ARSD: variants seen among roughly 807,000 people sequenced by gnomAD.
ARSD encodes the protein testis tissue sperm-binding protein Li 39a.
In ARSD, 21 loss-of-function variants were observed where a neutral mutation model predicts 32.6. The observed-to-expected ratio is 0.64, with a 90% CI of 0.46 to 0.93. The LOEUF (loss-of-function observed/expected upper bound fraction) is 0.93. Ranked by LOEUF, ARSD falls within the 40% of genes least tolerant of loss-of-function variation. The pLI, the probability that ARSD is intolerant of heterozygous loss-of-function variation, is 0.00. For missense variants in ARSD, 454 were observed against 520.9 expected (o/e 0.87, Z 1.25); for synonymous variants, 224 against 237.4 (o/e 0.94, Z 0.52).
chrX:2,926,603 C>T (rs1477006121), intron 1 of ARSD, among the ~76,000 whole-genome samples: 1 of 111,339 alleles, frequency 9.0e-6, no homozygotes, highest in Admixed American at 9.6e-5. Flanking sequence ...CAGGTCAGAA[C>T]AAACTGGAAT....
Position 2,929,288 on chromosome X carries a change from G to T in ARSD, c.-13C>A, listed in dbSNP as rs1410335118. The T allele has an allele frequency of 9.0e-6, 9 of 999,484 alleles. No individual in the cohort carries two copies. The highest frequency in any genetic ancestry group is 1.1e-5 in the Non-Finnish European group (9 of 795,670). The allele number at this position is 999,484 out of a possible 1,213,427, so 82.4% of individuals were successfully genotyped here. A position where few individuals can be genotyped will look rare whatever the true frequency, so the allele number is the denominator to read the frequency against. On this transcript the variant is annotated 5_prime_UTR_variant, in exon 1 of 10. Coordinates refer to ENST00000381154, the MANE Select transcript of ARSD (RefSeq NM_001669.4). ...CGGCGGATCGCATGGCCGAGCGCTG[G>T]CCCAGAGCGCAGGACCTTGCCCTGC... is the stretch of plus-strand genomic sequence containing the variant.
At chrX:2,918,304 C>T (rs1450599028) in intron 4 of ARSD, 77 bp from the exon 5 acceptor site, 77 of 995,662 alleles carry the variant, frequency 7.7e-5, no homozygotes, top group Non-Finnish European at 9.3e-5. Flanking sequence ...CGGAATCATT[C>T]CGCGTCGGCA....
intron 8 of ARSD, 64 bp downstream of exon 8, chrX:2,909,753 T>TG (rs2088885771): frequency 1.4e-5 from 11 of 806,288 alleles, no homozygotes; most frequent in Non-Finnish European, 1.6e-5. Flanking sequence ...CCTATTGAAA[T>TG]AAAAAAAAAA....
intron 2 of ARSD, among the ~76,000 whole-genome samples, chrX:2,922,731 G>A (rs1412037343): frequency 4.7e-5 from 5 of 106,312 alleles, no homozygotes; most frequent in African/African-American, 1.7e-4. Flanking sequence ...CCAGCTACTC[G>A]GGAGGCTGAG....
chrX:2,913,329 G>A (rs1265637056), intron 6 of ARSD: 4 of 128,535 alleles, frequency 3.1e-5, no homozygotes, highest in African/African-American at 1.3e-4. Flanking sequence ...TTTCTTATCA[G>A]AGTTAAGGTC....
intron 9 of ARSD, 81 bp from the exon 10 acceptor site, chrX:2,907,713 T>A (rs41310266): frequency 0.07 from 74,881 of 1,075,353 alleles, 3,770 homozygotes; most frequent in East Asian, 0.4. Context: ...GGCCCTGTGG[T>A]ATCAGCATGA....
chrX:2,925,035 G>A (rs1348208446), intron 2 of ARSD, among the ~76,000 whole-genome samples: 3 of 112,445 alleles, frequency 2.7e-5, no homozygotes, highest in Non-Finnish European at 5.6e-5. Context: ...CTCTGAAAAC[G>A]GTCACACCCT....
intron 3 of ARSD, 151 bp from the exon 4 acceptor site, chrX:2,920,874 A>G: frequency 1.4e-6 from 1 of 713,539 alleles, no homozygotes; most frequent in Non-Finnish European, 2.0e-6. Flanking sequence ...GGAGCTATCA[A>G]TTATCTACCC....
chrX:2,929,138 G>A (rs2089124393), intron 1 of ARSD, 94 bp downstream of exon 1: 2 of 866,786 alleles, frequency 2.3e-6, no homozygotes, highest in Admixed American at 5.8e-5. Flanking sequence ...AGGGGCCCAG[G>A]CTCGCCCGGG....
intron 6 of ARSD, chrX:2,913,682 G>C: frequency 1.0e-5 from 10 of 980,191 alleles, no homozygotes; most frequent in South Asian, 4.1e-5. Context: ...TATTGCTTTA[G>C]TTTCTGTAAC....
At chrX:2,913,359 C>CG (rs952730160) in intron 6 of ARSD, 60 of 168,355 alleles carry the variant, frequency 3.6e-4, no homozygotes, top group Non-Finnish European at 4.8e-4. Context: ...GTTCATGCTG[C>CG]GGGGGGTAGA....
At chrX:2,913,849 A>T (rs2088924550) in intron 6 of ARSD, 1 of 564,017 alleles carries the variant, frequency 1.8e-6, no homozygotes. Context: ...GTTCTCATGA[A>T]TGGTTGAGCA....
intron 6 of ARSD, chrX:2,913,594 T>C (rs998748378): frequency 3.3e-4 from 334 of 1,003,490 alleles, no homozygotes; most frequent in South Asian, 4.4e-4. Context: ...CTCTTAAGAA[T>C]CTGCAGCCTC....
chrX:2,910,019 G>T (rs200773343), intron 7 of ARSD, 40 bp from the exon 8 acceptor site: 98 of 1,203,642 alleles, frequency 8.1e-5, no homozygotes, highest in Non-Finnish European at 1.1e-4. Context: ...GCCGGAAACT[G>T]CCCAGTCTGT....
chrX:2,920,683 G>C lies in ARSD; in HGVS notation c.357C>G (p.Asn119Lys), dbSNP rs201773531. ...ASNGYRALQW[N>K]AGSGGLPENE... ...TCTCAGGGAGTCCACCTGAGCCTGC[G>C]TTCCACTGAAGGGCCCGGTATCCAT... The change falls in exon 4 of 10, where the codon AAC becomes AAG. Residue 119 changes from asparagine to lysine, a missense_variant. By Grantham distance (94) the Asn-to-Lys change is moderately conservative. Transcript: ENST00000381154. 1.7e-6 allele frequency: 2 copies of C among 1,211,894 alleles called. No homozygotes were observed. Among genetic ancestry groups the C allele is most frequent in the East Asian group, 3.0e-5 (1 of 33,812 alleles).
At chrX:2,908,897 CT>C (rs2088878217) in intron 8 of ARSD, 55 bp from the exon 9 acceptor site, 3 of 1,202,997 alleles carry the variant, frequency 2.5e-6, no homozygotes, top group Non-Finnish European at 3.4e-6. Context: ...CCCAGGCAGC[CT>C]TTTGCACCTG....
In ARSD at chrX:2,907,616, C is replaced by T. The variant is rs767054243; in HGVS notation, c.1437G>A (p.Lys479=). 1.8e-6 allele frequency: 2 copies of T among 1,103,297 alleles called. No homozygotes were observed. The highest frequency in any genetic ancestry group is 2.4e-6 in the Non-Finnish European group (2 of 842,242). The allele number at this position is 1,103,297 out of a possible 1,213,427, so 90.9% of individuals were successfully genotyped here. The change falls in exon 10 of 10, where the codon AAG becomes AAA. Residue 479 remains lysine, a synonymous_variant. Transcript: ENST00000381154. ...WHQKDSGSVW[K]VHYTTPQFHP... ...GGAACTGCGGGGTCGTGTAATGAACCTTCCAGACGCTTCCACCTGGATGCA... is the reference window on the plus strand; with the variant it reads ...GGAACTGCGGGGTCGTGTAATGAACTTTCCAGACGCTTCCACCTGGATGCA...
chrX:2,908,869 A>G, intron 8 of ARSD, 27 bp from the exon 9 acceptor site: 1 of 1,210,777 alleles, frequency 8.3e-7, no homozygotes, highest in Non-Finnish European at 1.1e-6. Flanking sequence ...AACACAGAGC[A>G]GAGTCAGACC....
intron 6 of ARSD, chrX:2,913,621 G>A (rs1029808330): frequency 7.6e-5 from 77 of 1,006,668 alleles, no homozygotes; most frequent in Non-Finnish European, 1.0e-4. Context: ...CCTCTCCAGG[G>A]TTTCTTCAAG....
Sources: allele counts gnomAD v4.1 joint callset (sites outside exome capture counted in the v4.1 genomes callset), GRCh38; gene constraint gnomAD v4.1.1; transcripts MANE v1.5; gene names NCBI Gene and HGNC (gene_info 2026-07-23, HGNC 2026-07-21).